Variants in TANC1 observed in about 807,000 individuals in gnomAD.
TANC1 encodes the protein tetratricopeptide repeat, ankyrin repeat and coiled-coil containing 1, also known as protein TANC1.
TANC1 carries 77 observed loss-of-function variants against 149.7 expected under a neutral mutation model. The observed-to-expected ratio is 0.51, with a 90% CI of 0.43 to 0.62. The LOEUF (loss-of-function observed/expected upper bound fraction) is 0.62, where lower values mean the gene tolerates loss of function less well. TANC1 is among the 20% of genes least tolerant of loss of function. The pLI, the probability that TANC1 is intolerant of heterozygous loss-of-function variation, is 0.00. For synonymous variants in TANC1, 854 were observed against 925.0 expected, an observed-to-expected ratio of 0.92 and a Z score of 1.39; for missense variants, 1,985 against 2,321.8, an observed-to-expected ratio of 0.85 and a Z score of 2.98.
chr2:159,199,050 A>G lies in TANC1; in HGVS notation c.3241A>G (p.Thr1081Ala), dbSNP rs2058064299. ...TGGCACCGACACATTGTGGGGAGAAACAGGTAATTATAATGCCACTGCTTG... is the reference window on the plus strand; with the variant it reads ...TGGCACCGACACATTGTGGGGAGAAGCAGGTAATTATAATGCCACTGCTTG... ...VNGTDTLWGE[T>A]ALTAAAGRGK... is the part of the protein sequence containing the mutation. The change falls in exon 19 of 27, where the codon ACA (threonine) becomes GCA (alanine). Residue 1081 changes from threonine (T) to alanine (A), a missense_variant. Coordinates refer to ENST00000263635, the MANE Select transcript of TANC1 (RefSeq NM_033394.3). 6.2e-7 allele frequency: 1 copy of G among 1,612,922 alleles called. No homozygotes were observed. The highest frequency in any genetic ancestry group is 2.2e-5 in the East Asian group (1 of 44,872).
At chr2:159,164,922 C>G (rs936462423) in intron 8 of TANC1, among the ~76,000 whole-genome samples, 1 of 152,210 alleles carries the variant, frequency 6.6e-6, no homozygotes, top group African/African-American at 2.4e-5. Flanking sequence ...TACGAGTTGA[C>G]TGATAGTCCT....
chr2:159,100,545 G>A (rs1270154698), intron 4 of TANC1, among the ~76,000 whole-genome samples: 1 of 152,206 alleles, frequency 6.6e-6, no homozygotes, highest in Admixed American at 6.5e-5. Flanking sequence ...CAAGCTTCTG[G>A]TGGATTTGGG....
chr2:159,068,922 TA>T (rs1468088790), intron 3 of TANC1, among the ~76,000 whole-genome samples: 2 of 152,160 alleles, frequency 1.3e-5, no homozygotes, highest in Non-Finnish European at 2.9e-5. Context: ...GTATTTTTGG[TA>T]GACATGGGGG....
At chr2:158,971,011 T>C (rs1336357000) in intron 1 of TANC1, among the ~76,000 whole-genome samples, 1 of 152,230 alleles carries the variant, frequency 6.6e-6, no homozygotes, top group Non-Finnish European at 1.5e-5. Context: ...ATAGTCAGCC[T>C]TTTTCTGCTT....
At chr2:159,160,489 A>G (rs1231699190) in intron 7 of TANC1, among the ~76,000 whole-genome samples, 3 of 152,196 alleles carry the variant, frequency 2.0e-5, no homozygotes, top group African/African-American at 7.2e-5. Context: ...TATTGGAAGA[A>G]CCAGCTTTCT....
intron 7 of TANC1, among the ~76,000 whole-genome samples, chr2:159,159,713 TGTGTGAGAGAGA>T (rs1254482510): frequency 7.6e-5 from 5 of 65,650 alleles, no homozygotes; most frequent in East Asian, 7.1e-4. Flanking sequence ...TGTGTGTGTG[TGTGTGAGAGAGA>T]GAGAGAGAGA....
chr2:159,148,993 T>C, intron 5 of TANC1, 149 bp from the exon 6 acceptor site: 2 of 836,334 alleles, frequency 2.4e-6, no homozygotes, highest in Non-Finnish European at 3.8e-6. Context: ...AATGTATTGC[T>C]AGAGGACAGG....
At chr2:159,114,577 A>T (rs1433831545) in intron 4 of TANC1, among the ~76,000 whole-genome samples, 1 of 152,224 alleles carries the variant, frequency 6.6e-6, no homozygotes, top group African/African-American at 2.4e-5. Context: ...TGAGTTCAAC[A>T]TGTTTCCCCG....
intron 2 of TANC1, among the ~76,000 whole-genome samples, chr2:159,002,049 A>C (rs1055177280): frequency 6.6e-6 from 1 of 152,314 alleles, no homozygotes. Context: ...AAAAAGTCCA[A>C]GTGACACCAA....
At chr2:159,000,723 G>T (rs1298291034) in intron 1 of TANC1, among the ~76,000 whole-genome samples, 1 of 152,028 alleles carries the variant, frequency 6.6e-6, no homozygotes, top group African/African-American at 2.4e-5. Flanking sequence ...GAGGGAGGGG[G>T]TGTGCGAGCC....
intron 4 of TANC1, among the ~76,000 whole-genome samples, chr2:159,113,668 T>C (rs1049678142): frequency 6.6e-6 from 1 of 152,206 alleles, no homozygotes; most frequent in Non-Finnish European, 1.5e-5. Context: ...ACCTGGAGAA[T>C]AGAGAAGGCA....
chr2:159,076,009 T>C (rs1218520251), intron 3 of TANC1, among the ~76,000 whole-genome samples: 5 of 152,210 alleles, frequency 3.3e-5, no homozygotes, highest in Non-Finnish European at 7.3e-5. Context: ...GTCACTTTTA[T>C]AGGTTAAAAC....
chr2:159,057,869 C>A (rs1455162821), intron 2 of TANC1, among the ~76,000 whole-genome samples: 2 of 152,208 alleles, frequency 1.3e-5, no homozygotes. Flanking sequence ...CTTTTGCTTT[C>A]TCTAATATAT....
intron 5 of TANC1, among the ~76,000 whole-genome samples, chr2:159,144,263 G>A (rs1422040568): frequency 1.3e-5 from 2 of 152,070 alleles, no homozygotes; most frequent in African/African-American, 2.4e-5. Flanking sequence ...AATATGGGGT[G>A]GATGACATGA....
At position 159,104,371 on chromosome 2, in the gene TANC1, G is replaced by A. The variant is rs1361798844; in HGVS notation, c.259+6537G>A. Among the ~76,000 whole-genome samples, 3 of 95,488 alleles carry A rather than the reference G, an allele frequency of 3.1e-5. 1 individual carries two copies. Among genetic ancestry groups the A allele is most frequent in the African/African-American group, 8.7e-5 (3 of 34,416 alleles). The allele number at this position is 95,488 out of a possible 152,430, so 62.6% of individuals were successfully genotyped here. A position where few individuals can be genotyped will look rare whatever the true frequency, so the allele number is the denominator to read the frequency against. On this transcript the variant is annotated intron_variant, in intron 4 of 26. Coordinates refer to ENST00000263635, the MANE Select transcript of TANC1 (RefSeq NM_033394.3). The stretch of plus-strand genomic sequence containing the variant: ...CAGACCAGGAATTTTAAAGGGTACT[G>A]ATGATGCCCAGCTCCTACGTTCAGA...
rs370313221 is a variant in TANC1, at chr2:159,163,506, C to A, written c.906C>A (p.Gly302=). 6.2e-7 allele frequency: 1 copy of A among 1,613,118 alleles called. No individual in the cohort carries two copies. Among genetic ancestry groups the A allele is most frequent in the Admixed American group, 1.7e-5 (1 of 60,002 alleles). Residue 302 remains glycine, a synonymous_variant, in exon 8 of 27, where the codon GGC becomes GGA. Coordinates refer to ENST00000263635, the MANE Select transcript of TANC1 (RefSeq NM_033394.3). ...AGDGPVPYSQ[G]SSSLIMPRPN... Reference sequence around the variant, plus strand: ...ATGGTCCAGTCCCTTATTCTCAGGGCTCCAGCTCACTAATAATGCCACGGC... The same window carrying A: ...ATGGTCCAGTCCCTTATTCTCAGGGATCCAGCTCACTAATAATGCCACGGC...
intron 2 of TANC1, among the ~76,000 whole-genome samples, chr2:159,044,474 C>T (rs2040888116): frequency 6.6e-6 from 1 of 151,908 alleles, no homozygotes; most frequent in African/African-American, 2.4e-5. Flanking sequence ...GCTGGAGGCT[C>T]CTAATGTATA....
chr2:159,225,963 C>T (rs1029993924), intron 24 of TANC1, 184 bp downstream of exon 24: 3 of 629,904 alleles, frequency 4.8e-6, no homozygotes, highest in East Asian at 5.8e-5. Context: ...GGGCAGATCA[C>T]TTGAGGCCAG....
At position 159,219,243 on chromosome 2, in the gene TANC1, T is replaced by G; in HGVS notation, c.3384T>G (p.Val1128=). Residue 1128 remains valine (V), a synonymous_variant, in exon 21 of 27, where the codon GTT becomes GTG. Transcript: ENST00000263635. ...CAARQGHWQI[V]RLLLERGCDV... ...ATTCCAAATGTCTCTTCCAGATTGT[T>G]AGACTGCTGTTGGAACGCGGCTGTG... The G allele has an allele frequency of 6.2e-7, 1 of 1,614,176 alleles. No homozygotes were observed. Among genetic ancestry groups the G allele is most frequent in the Middle Eastern group, 1.6e-4 (1 of 6,062 alleles).
Sources: allele counts gnomAD v4.1 joint callset (sites outside exome capture counted in the v4.1 genomes callset), GRCh38; gene constraint gnomAD v4.1.1; transcripts MANE v1.5; gene names NCBI Gene and HGNC (gene_info 2026-07-23, HGNC 2026-07-21).